The following CDC25C variants were observed in gnomAD, a reference collection of about 807,000 sequenced individuals.
CDC25C encodes the protein cell division cycle 25C.
CDC25C carries 48 observed loss-of-function variants against 52.5 expected under a neutral mutation model. The observed-to-expected ratio is 0.91, with a 90% CI of 0.72 to 1.16. CDC25C has a LOEUF of 1.16. Among genes scored for constraint, CDC25C ranks in the 50% most tolerant of loss-of-function variants. The pLI is 0.00. For missense variants in CDC25C, 510 were observed against 566.1 expected (o/e 0.90, Z 1.01); for synonymous variants, 187 against 206.5 (o/e 0.91, Z 0.81).
intron 9 of CDC25C, among the ~76,000 whole-genome samples, chr5:138,290,283 A>G (rs944401632): frequency 1.4e-5 from 2 of 143,920 alleles, no homozygotes; most frequent in East Asian, 1.9e-4. Context: ...GTAGGGGGGA[A>G]AAAAAGAGTA....
chr5:138,318,048 G>T (rs150416645), intron 7 of CDC25C, among the ~76,000 whole-genome samples: 1 of 152,144 alleles, frequency 6.6e-6, no homozygotes, highest in African/African-American at 2.4e-5. Flanking sequence ...GATAGGTTAC[G>T]CCAGGCGTGG....
intron 7 of CDC25C, among the ~76,000 whole-genome samples, 155 bp from the exon 8 acceptor site, chr5:138,292,271 G>A (rs750802175): frequency 8.5e-5 from 13 of 152,092 alleles, no homozygotes; most frequent in Admixed American, 1.3e-4. Flanking sequence ...ATTTTAACAA[G>A]ATGCCCAGGT....
At chr5:138,318,855 A>C (rs756901531) in intron 7 of CDC25C, among the ~76,000 whole-genome samples, 1 of 152,236 alleles carries the variant, frequency 6.6e-6, no homozygotes, top group Non-Finnish European at 1.5e-5. Context: ...CCTAATTTAG[A>C]AGTATACTTT....
At chr5:138,297,273 C>G (rs1454125319) in intron 7 of CDC25C, among the ~76,000 whole-genome samples, 5 of 151,964 alleles carry the variant, frequency 3.3e-5, no homozygotes, top group African/African-American at 1.2e-4. Flanking sequence ...GTTGGCCACA[C>G]TGGTCTCGAA....
intron 7 of CDC25C, among the ~76,000 whole-genome samples, chr5:138,314,588 T>C (rs1257372827): frequency 6.9e-6 from 1 of 145,514 alleles, no homozygotes; most frequent in Non-Finnish European, 1.5e-5. Context: ...GAGTCACCGC[T>C]CCCAGCCTAT....
At chr5:138,325,363 A>G (rs1759768480) in intron 6 of CDC25C, among the ~76,000 whole-genome samples, 1 of 152,180 alleles carries the variant, frequency 6.6e-6, no homozygotes, top group Non-Finnish European at 1.5e-5. Flanking sequence ...TAAGGTTTAG[A>G]TAAAAAGTAC....
At chr5:138,330,616 T>C (rs979697144) in intron 2 of CDC25C, among the ~76,000 whole-genome samples, 2 of 152,154 alleles carry the variant, frequency 1.3e-5, no homozygotes, top group African/African-American at 2.4e-5. Flanking sequence ...CAAGCAATCC[T>C]CCCACCTCAG....
At chr5:138,327,231 G>T (rs1343427992) in intron 4 of CDC25C, among the ~76,000 whole-genome samples, 3 of 150,126 alleles carry the variant, frequency 2.0e-5, no homozygotes, top group African/African-American at 4.9e-5. Context: ...CTCCATCCTG[G>T]CAACAGAGCG....
In CDC25C at chr5:138,325,879, T is replaced by C. The variant is rs547244516; in HGVS notation, c.395A>G (p.Asn132Ser). 2.5e-6 allele frequency: 4 copies of C among 1,614,100 alleles called. No individual in the cohort carries two copies. The highest frequency in any genetic ancestry group is 3.3e-5 in the Admixed American group (2 of 60,014). Residue 132 changes from asparagine to serine, a missense_variant, in exon 6 of 14, where the codon AAT becomes AGT. Physicochemically the swap from Asn to Ser is conservative, Grantham distance 46 (BLOSUM62 1). Coordinates refer to ENST00000323760, the MANE Select transcript of CDC25C (RefSeq NM_001790.5). ...CTTTCTATGGCCACGGTCCAAACCA[T>C]TCGGAGTGCTACAAAGAAGCTGTGC... ...SPAQLLCSTP[N>S]GLDRGHRKRD...
intron 7 of CDC25C, among the ~76,000 whole-genome samples, chr5:138,317,498 T>G (rs986897755): frequency 6.6e-6 from 1 of 151,436 alleles, no homozygotes; most frequent in African/African-American, 2.4e-5. Flanking sequence ...TGGGCAATAT[T>G]GTGAAACCAC....
chr5:138,296,722 C>T (rs561470025), intron 7 of CDC25C, among the ~76,000 whole-genome samples: 8 of 151,090 alleles, frequency 5.3e-5, no homozygotes, highest in African/African-American at 1.2e-4. Context: ...TCTCCTGCCT[C>T]GGCCCCCAGA....
intron 7 of CDC25C, among the ~76,000 whole-genome samples, chr5:138,308,212 T>C (rs1009270848): frequency 6.6e-5 from 10 of 152,206 alleles, no homozygotes; most frequent in African/African-American, 2.2e-4. Context: ...CAATCTATTT[T>C]AAGTCCATGC....
At position 138,292,072 on chromosome 5, in the gene CDC25C, G is replaced by C. The variant is rs200825916; in HGVS notation, c.660C>G (p.Asn220Lys). 1.2e-6 allele frequency: 2 copies of C among 1,613,108 alleles called. No homozygotes were observed. Among genetic ancestry groups the C allele is most frequent in the Middle Eastern group, 1.6e-4 (1 of 6,078 alleles). Residue 220 changes from asparagine (N) to lysine (K), a missense_variant, in exon 8 of 14, where the codon AAC (asparagine) becomes AAG (lysine). By Grantham distance (94) the Asn-to-Lys change is moderately conservative. Coordinates refer to ENST00000323760, the MANE Select transcript of CDC25C (RefSeq NM_001790.5). The part of the protein sequence containing the change: ...GLYRSPSMPE[N>K]LNRPRLKQVE... ...CCTGCTTCAGTCTTGGCCTGTTCAA[G>C]TTCTCTGGCATCGACGGGGAGCGAT...
intron 7 of CDC25C, among the ~76,000 whole-genome samples, chr5:138,301,192 A>G (rs1343332602): frequency 6.6e-6 from 1 of 152,252 alleles, no homozygotes; most frequent in Non-Finnish European, 1.5e-5. Context: ...AAAGATCAAT[A>G]TTGATAAATC....
At chr5:138,334,172 G>A (rs997852065), upstream of CDC25C, among the ~76,000 whole-genome samples, 2 of 151,874 alleles carry the variant, frequency 1.3e-5, no homozygotes, top group African/African-American at 4.8e-5. Flanking sequence ...GACCTCAAAT[G>A]ATCCACCCAC....
Position 138,337,514 on chromosome 5 carries a change from T to C in CDC25C, c.13+442A>G, listed in dbSNP as rs867888398. 9.6e-5 allele frequency: 17 copies of C among 177,396 alleles called. No homozygotes were observed. The Middle Eastern group carries it at 7.8e-3, about 81-fold the overall frequency. 11.0% of individuals were successfully genotyped at this position (177,396 alleles called of 1,614,324 possible). On this transcript the variant is annotated intron_variant, in intron 1 of 5. Coordinates refer to the CDC25C transcript ENST00000510119. The stretch of plus-strand genomic sequence containing the variant: ...AGCAACTGAACCGCCTATGATGTCA[T>C]AATCACAATCCCATTACCTCATCCT...
At position 138,319,227 on chromosome 5, in the gene CDC25C, C is replaced by T; in HGVS notation, c.607G>A (p.Glu203Lys). 3.7e-6 allele frequency: 6 copies of T among 1,612,422 alleles called. No individual in the cohort carries two copies. Among genetic ancestry groups the T allele is most frequent in the Non-Finnish European group, 5.1e-6 (6 of 1,179,114 alleles). ...ELMEFSLKDQEAKVSRSGLYR... is the reference protein window; with the variant it reads ...ELMEFSLKDQKAKVSRSGLYR... ...ACCACAGAACACTTTACCTTTGCTT[C>T]TTGATCTTTCAGGGAAAACTCCATT... The change falls in exon 7 of 14, where the codon GAA becomes AAA. Residue 203 changes from glutamate (E) to lysine (K), a missense_variant. By Grantham distance (56) the Glu-to-Lys change is moderately conservative. Coordinates refer to ENST00000323760, the MANE Select transcript of CDC25C (RefSeq NM_001790.5).
At chr5:138,327,148 A>G (rs1265413723) in intron 4 of CDC25C, among the ~76,000 whole-genome samples, 10 of 131,610 alleles carry the variant, frequency 7.6e-5, no homozygotes, top group Middle Eastern at 6.6e-3. Context: ...CCAGCCTCTC[A>G]GGAGTCCGAG....
chr5:138,319,454 C>T, intron 6 of CDC25C, 80 bp from the exon 7 acceptor site: 1 of 1,112,152 alleles, frequency 9.0e-7, no homozygotes. Flanking sequence ...CTATAAAACT[C>T]TTAGAAGAAA....
Sources: allele counts gnomAD v4.1 joint callset (sites outside exome capture counted in the v4.1 genomes callset), GRCh38; gene constraint gnomAD v4.1.1; transcripts MANE v1.5; gene names NCBI Gene and HGNC (gene_info 2026-07-23, HGNC 2026-07-21).